Variants in C5orf24 observed in about 807,000 individuals in gnomAD.
C5orf24 encodes the protein chromosome 5 open reading frame 24.
C5orf24 carries 4 observed loss-of-function variants against 9.8 expected under a neutral mutation model. The observed-to-expected ratio is 0.41, with a 90% CI of 0.20 to 0.93. The LOEUF (loss-of-function observed/expected upper bound fraction) is 0.93. C5orf24 is among the 40% of genes least tolerant of loss of function. C5orf24 has a pLI of 0.33. For missense variants in C5orf24, 170 were observed against 236.9 expected, an observed-to-expected ratio of 0.72 and a Z score of 1.85; for synonymous variants, 73 against 81.3, an observed-to-expected ratio of 0.90 and a Z score of 0.55.
chr5:134,854,217 T>G (rs1756247010), intron 1 of C5orf24, among the ~76,000 whole-genome samples: 1 of 152,238 alleles, frequency 6.6e-6, no homozygotes, highest in African/African-American at 2.4e-5. Context: ...TGGTACTGCC[T>G]TCTGTTGGAA....
At chr5:134,835,162 C>T in the C5orf24 span, among the ~76,000 whole-genome samples, 4 of 152,024 alleles carry the variant, frequency 2.6e-5, no homozygotes, top group Non-Finnish European at 2.9e-5. Flanking sequence ...GCCAAGATCA[C>T]GCCAGTGCAC....
the C5orf24 span, among the ~76,000 whole-genome samples, chr5:134,836,595 G>T: frequency 6.6e-6 from 1 of 152,128 alleles, no homozygotes; most frequent in Non-Finnish European, 1.5e-5. Flanking sequence ...GCAGGCTGGA[G>T]TGCAGTGGCG....
intron 1 of C5orf24, among the ~76,000 whole-genome samples, chr5:134,848,446 C>T (rs1756057206): frequency 6.7e-6 from 1 of 149,084 alleles, no homozygotes; most frequent in African/African-American, 2.5e-5. Flanking sequence ...CACCTGAACT[C>T]GGGAGTTTGA....
At chr5:134,851,683 A>G (rs1561886817) in intron 1 of C5orf24, among the ~76,000 whole-genome samples, 1 of 152,190 alleles carries the variant, frequency 6.6e-6, no homozygotes, top group Non-Finnish European at 1.5e-5. Flanking sequence ...ATCAAAAGTC[A>G]TATTTGGCTA....
chr5:134,851,690 G>C (rs1378623024), intron 1 of C5orf24, among the ~76,000 whole-genome samples: 2 of 152,110 alleles, frequency 1.3e-5, no homozygotes, highest in African/African-American at 2.4e-5. Flanking sequence ...GTCATATTTG[G>C]CTAACCATTT....
At position 134,855,127 on chromosome 5, in the gene C5orf24, A is replaced by G. The variant is rs775090596; in HGVS notation, c.227A>G (p.Asp76Gly). ...AGTGGCAGAAGCATAGAAATAAAAGATGAACTAAAGAAAAAGAAGAATCTC... is the reference window on the plus strand; with the variant it reads ...AGTGGCAGAAGCATAGAAATAAAAGGTGAACTAAAGAAAAAGAAGAATCTC... ...TTSGRSIEIKDELKKKKNLNR... is the reference protein window; with the variant it reads ...TTSGRSIEIKGELKKKKNLNR... The change falls in exon 2 of 2, where the codon GAT (aspartate) becomes GGT (glycine). Residue 76 changes from aspartate (D) to glycine (G), a missense_variant. This residue lies in a region of C5orf24 where 93 missense variants were observed against 104.5 expected (regional missense o/e 0.89). Coordinates refer to ENST00000394976, the MANE Select transcript of C5orf24 (RefSeq NM_001135586.1). The G allele has an allele frequency of 6.8e-6, 11 of 1,614,202 alleles. No individual in the cohort carries two copies. The South Asian group carries it at 9.9e-5, about 15-fold the overall frequency.
upstream of C5orf24, chr5:134,845,647 C>G (rs1452434875): frequency 6.6e-6 from 1 of 152,240 alleles, no homozygotes; most frequent in African/African-American, 2.4e-5. Flanking sequence ...AGAGTCCCAA[C>G]TCCCCTGACT....
Position 134,857,007 on chromosome 5 carries a change from A to G in C5orf24, c.*1540A>G, listed in dbSNP as rs1250292286. On this transcript the variant is annotated 3_prime_UTR_variant, in exon 2 of 2. Transcript: ENST00000394976. ...CCCAATGATGTTTGCTTTAGAAGCA[A>G]GATAGAAAGGAAAAAAAGTATTAGG... is the stretch of plus-strand genomic sequence containing the variant. 1 of 1,015,556 alleles carries G rather than the reference A, an allele frequency of 9.8e-7. No individual in the cohort carries two copies. The highest frequency in any genetic ancestry group is 1.7e-5 in the African/African-American group (1 of 57,842). 62.9% of individuals were successfully genotyped at this position (1,015,556 alleles called of 1,614,324 possible). A position where few individuals can be genotyped will look rare whatever the true frequency, so the allele number is the denominator to read the frequency against.
rs576068802 is a variant in C5orf24 at position 134,856,221 on chromosome 5, T to A, written c.*754T>A. On this transcript the variant is annotated 3_prime_UTR_variant, in exon 2 of 2. Coordinates refer to ENST00000394976, the MANE Select transcript of C5orf24 (RefSeq NM_001135586.1). ...ATTTTATAAAAACTGCACATTACAT[T>A]TTTGGTGAAATATAGTGCATTCTGA... 12 of 992,712 alleles carry A rather than the reference T, an allele frequency of 1.2e-5. No individual in the cohort carries two copies. The Admixed American group carries it at 2.5e-4, about 20-fold the overall frequency. 61.5% of individuals were successfully genotyped at this position (992,712 alleles called of 1,614,324 possible).
At chr5:134,849,115 C>T (rs558814745) in intron 1 of C5orf24, among the ~76,000 whole-genome samples, 1 of 151,696 alleles carries the variant, frequency 6.6e-6, no homozygotes, top group East Asian at 1.9e-4. Context: ...ATTAGCTGGG[C>T]GTGGTGGCAC....
Position 134,855,157 on chromosome 5 carries a change from G to A in C5orf24, c.257G>A (p.Arg86Gln). ...CTAAAGAAAAAGAAGAATCTCAACC[G>A]ATCTGGTAAGCGTGGCCGGCCTTCG... is the stretch of plus-strand genomic sequence containing the variant. Reference protein sequence around the residue: ...DELKKKKNLNRSGKRGRPSGT... With the variant: ...DELKKKKNLNQSGKRGRPSGT... Residue 86 changes from arginine to glutamine, a missense_variant, in exon 2 of 2, where the codon CGA (arginine) becomes CAA (glutamine). This residue lies in a region of C5orf24 where 93 missense variants were observed against 104.5 expected (regional missense o/e 0.89). Coordinates refer to ENST00000394976, the MANE Select transcript of C5orf24 (RefSeq NM_001135586.1). The A allele has an allele frequency of 2.5e-6, 4 of 1,614,160 alleles. No homozygotes were observed. Among genetic ancestry groups the A allele is most frequent in the Non-Finnish European group, 3.4e-6 (4 of 1,180,038 alleles).
the C5orf24 span, among the ~76,000 whole-genome samples, chr5:134,834,818 A>AG: frequency 1.3e-4 from 20 of 152,014 alleles, no homozygotes; most frequent in Admixed American, 1.3e-3. Context: ...AGGCTGAGGC[A>AG]GGCAGATCAC....
chr5:134,840,469 G>A, the C5orf24 span, among the ~76,000 whole-genome samples: 1 of 151,878 alleles, frequency 6.6e-6, no homozygotes, highest in African/African-American at 2.4e-5. Flanking sequence ...CAAACTCTTG[G>A]GCTCAAGTGG....
chr5:134,850,919 C>CATATATATATATATATAT lies in C5orf24; in HGVS notation c.-3-3977_-3-3960dup, dbSNP rs201093286. 2.0e-3 allele frequency among the ~76,000 whole-genome samples: 274 copies of CATATATATATATATATAT among 140,446 alleles called. 2 individuals carry two copies. Among genetic ancestry groups the CATATATATATATATATAT allele is most frequent in the African/African-American group, 7.2e-3 (260 of 36,184 alleles). The allele number at this position is 140,446 out of a possible 152,430, so 92.1% of individuals were successfully genotyped here. A position where few individuals can be genotyped will look rare whatever the true frequency, so the allele number is the denominator to read the frequency against. On this transcript the variant is annotated intron_variant, in intron 1 of 1. Transcript: ENST00000394976. Reference sequence around the variant, plus strand: ...AGTTCTCTGATAGATTATGAATGTTCATATATATATATATATATACACACA... The same window carrying CATATATATATATATATAT: ...AGTTCTCTGATAGATTATGAATGTTCATATATATATATATATATATATATATATATATATATACACACA...
chr5:134,848,192 TC>T (rs895783460), intron 1 of C5orf24, among the ~76,000 whole-genome samples: 6 of 152,000 alleles, frequency 3.9e-5, no homozygotes, highest in Non-Finnish European at 7.4e-5. Context: ...GCGCCTGTAG[TC>T]CCAGCTACTC....
rs556655864 is a variant in C5orf24, at chr5:134,845,992, C to T, written c.-224C>T. The T allele has an allele frequency of 9.8e-4, 149 of 152,366 alleles. No individual in the cohort carries two copies. The highest frequency in any genetic ancestry group is 3.5e-3 in the African/African-American group (146 of 41,588). The allele number at this position is 152,366 out of a possible 1,614,324, so 9.4% of individuals were successfully genotyped here. A position where few individuals can be genotyped will look rare whatever the true frequency, so the allele number is the denominator to read the frequency against. ...TAACACTACAGGGTGGTAGCGGCCTCTTCGTACTGCGTCCGGGGCAGGACC... is the reference window on the plus strand; with the variant it reads ...TAACACTACAGGGTGGTAGCGGCCTTTTCGTACTGCGTCCGGGGCAGGACC... On this transcript the variant is annotated 5_prime_UTR_variant, in exon 1 of 2. Coordinates refer to ENST00000394976, the MANE Select transcript of C5orf24 (RefSeq NM_001135586.1).
upstream of C5orf24, among the ~76,000 whole-genome samples, chr5:134,844,971 C>T (rs911826191): frequency 2.0e-5 from 3 of 152,092 alleles, no homozygotes; most frequent in East Asian, 1.9e-4. Context: ...CTCCTGACCT[C>T]GTGATCTGCC....
intron 1 of C5orf24, among the ~76,000 whole-genome samples, chr5:134,848,970 AAAAG>A (rs1253093545): frequency 1.4e-5 from 2 of 147,592 alleles, no homozygotes; most frequent in African/African-American, 2.5e-5. Flanking sequence ...AAAAAAAAAA[AAAAG>A]AGGCTGGGCG....
At chr5:134,836,226 G>T in the C5orf24 span, among the ~76,000 whole-genome samples, 2 of 131,606 alleles carry the variant, frequency 1.5e-5, no homozygotes, top group African/African-American at 5.8e-5. Flanking sequence ...CCAGGCTGGT[G>T]TGCAATGGCG....
Sources: gnomAD v4.1 joint callset for allele counts (sites outside exome capture counted in the v4.1 genomes callset) on GRCh38, gnomAD v4.1.1 for gene constraint, gnomAD v4.1.1 regional missense constraint, MANE v1.5 for transcripts, NCBI Gene and HGNC (gene_info 2026-07-23, HGNC 2026-07-21) for gene names.